Variants in PDXDC1 observed in about 807,000 individuals in gnomAD.
The protein encoded by PDXDC1 is pyridoxal-dependent decarboxylase domain-containing protein 1.
A neutral mutation model predicts 100.1 loss-of-function variants in PDXDC1; 42 were observed. The ratio of observed to expected loss-of-function variants is 0.42; its 90% CI spans 0.33 to 0.54. The LOEUF is 0.54. PDXDC1 is among the 20% of genes least tolerant of loss of function. The probability of loss-of-function intolerance (pLI) is 0.10; values close to 1 mark genes in which losing one functional copy is unlikely to be tolerated. For missense variants in PDXDC1, 636 were observed against 979.2 expected (o/e 0.65, Z 4.68); for synonymous variants, 260 against 371.7 (o/e 0.70, Z 3.46).
intron 16 of PDXDC1, chr16:15,062,047 C>G: frequency 1.3e-6 from 1 of 786,494 alleles, no homozygotes; most frequent in Admixed American, 2.7e-5. Flanking sequence ...AGTGTAGTGG[C>G]ACACGCCTGT....
At chr16:15,084,991 G>C (rs1173662687) in intron 16 of PDXDC1, among the ~76,000 whole-genome samples, 1 of 149,992 alleles carries the variant, frequency 6.7e-6, no homozygotes, top group Non-Finnish European at 1.5e-5. Flanking sequence ...ACTTGAACCT[G>C]GGAGGTGAAG....
chr16:14,993,740 C>T (rs1195392724), intron 1 of PDXDC1, among the ~76,000 whole-genome samples: 1 of 152,304 alleles, frequency 6.6e-6, no homozygotes, highest in African/African-American at 2.4e-5. Flanking sequence ...AATGGTTGAA[C>T]TAGTTTAGAG....
chr16:15,122,089 C>T (rs1487691693), intron 16 of PDXDC1, among the ~76,000 whole-genome samples: 4 of 151,198 alleles, frequency 2.6e-5, no homozygotes, highest in East Asian at 2.0e-4. Flanking sequence ...GCTTGAACCC[C>T]GGAAGCGGAG....
At chr16:15,140,184 C>G (rs138653090), downstream of PDXDC1, among the ~76,000 whole-genome samples, 1 of 150,148 alleles carries the variant, frequency 6.7e-6, no homozygotes, top group South Asian at 2.1e-4. Flanking sequence ...ATGGCTCCTG[C>G]CTGTAATCCC....
In PDXDC1 at chr16:15,034,111, C is replaced by T. The variant is rs1045491864; in HGVS notation, c.1813-175C>T. 22 of 613,576 alleles carry T rather than the reference C, an allele frequency of 3.6e-5. No homozygotes were observed. The South Asian group carries it at 4.3e-4, about 12-fold the overall frequency. The allele number at this position is 613,576 out of a possible 1,614,324, so 38.0% of individuals were successfully genotyped here. ...GTCACCAAGGTGTGTCTGCCTAGGC[C>T]TCTATGAGCATGTTATCTGCTTGTC... On this transcript the variant is annotated intron_variant, in intron 19 of 22. Coordinates refer to ENST00000396410, the MANE Select transcript of PDXDC1 (RefSeq NM_015027.4).
Position 15,089,194 on chromosome 16 carries a change from G to C in PDXDC1, c.1400-49685G>C, listed in dbSNP as rs996255744. ...GTGGCACAGCTACTCGGGAGGCTGA[G>C]GTGGGAGGATGGCTTGAACCCAGGA... On this transcript the variant is annotated intron_variant, in intron 16 of 16. Coordinates refer to the PDXDC1 transcript ENST00000535621. Among the ~76,000 whole-genome samples the C allele has an allele frequency of 3.3e-5, 5 of 152,048 alleles. No individual in the cohort carries two copies. In the South Asian group the frequency reaches 6.2e-4, roughly 19 times the overall value.
chr16:15,079,991 T>C (rs2045630282), intron 16 of PDXDC1: 2 of 1,585,666 alleles, frequency 1.3e-6, no homozygotes, highest in East Asian at 2.2e-5. Flanking sequence ...GATTACTCAA[T>C]ACTTACATCC....
At chr16:15,104,761 G>A (rs759695279) in intron 16 of PDXDC1, 5 of 1,596,344 alleles carry the variant, frequency 3.1e-6, no homozygotes, top group East Asian at 2.2e-5. Flanking sequence ...ATTCTGACCT[G>A]TAGGGCCAAA....
At chr16:14,995,070 A>G (rs1413320108) in intron 1 of PDXDC1, among the ~76,000 whole-genome samples, 1 of 152,300 alleles carries the variant, frequency 6.6e-6, no homozygotes, top group African/African-American at 2.4e-5. Flanking sequence ...TAGATATACA[A>G]TCATGTCATC....
At chr16:15,082,370 T>C (rs2045743716) in intron 16 of PDXDC1, among the ~76,000 whole-genome samples, 1 of 152,116 alleles carries the variant, frequency 6.6e-6, no homozygotes, top group Non-Finnish European at 1.5e-5. Flanking sequence ...TTAATTCATT[T>C]TCAGGTACTA....
At chr16:15,013,472 G>A (rs1377910683) in intron 8 of PDXDC1, among the ~76,000 whole-genome samples, 2 of 152,240 alleles carry the variant, frequency 1.3e-5, no homozygotes, top group Non-Finnish European at 2.9e-5. Flanking sequence ...GGATTTGGGG[G>A]TTGATGGAAG....
intron 16 of PDXDC1, among the ~76,000 whole-genome samples, chr16:15,098,761 C>T (rs1439752948): frequency 6.6e-6 from 1 of 152,028 alleles, no homozygotes; most frequent in African/African-American, 2.4e-5. Context: ...GCCTGTAATC[C>T]CAGCTACTTG....
chr16:15,131,327 C>T (rs919588589), intron 16 of PDXDC1: 5 of 1,566,810 alleles, frequency 3.2e-6, no homozygotes, highest in Non-Finnish European at 4.3e-6. Context: ...ATCGAGGCCA[C>T]CTTGGTGGAG....
chr16:15,068,039 G>C, intron 16 of PDXDC1: 3 of 791,566 alleles, frequency 3.8e-6, no homozygotes, highest in Non-Finnish European at 6.0e-6. Context: ...GAGATTACAG[G>C]TGTCAGCCAC....
intron 16 of PDXDC1, chr16:15,084,837 G>T (rs1309031495): frequency 4.4e-6 from 3 of 680,342 alleles, no homozygotes; most frequent in Non-Finnish European, 5.4e-6. Context: ...AGGCCGAGGT[G>T]GGTGGATCAC....
downstream of PDXDC1, chr16:15,041,141 A>C (rs561576517): frequency 6.9e-6 from 10 of 1,440,250 alleles, no homozygotes; most frequent in Non-Finnish European, 9.8e-6. Context: ...AAGAATGTTT[A>C]AGATACACTT....
intron 16 of PDXDC1, chr16:15,133,355 A>C (rs1174190481): frequency 9.3e-7 from 1 of 1,074,866 alleles, no homozygotes; most frequent in African/African-American, 1.6e-5. Context: ...ACTAGCGGTG[A>C]GCCCGTGCAG....
chr16:14,989,873 G>A, intron 1 of PDXDC1: 4 of 1,546,950 alleles, frequency 2.6e-6, no homozygotes, highest in Non-Finnish European at 2.6e-6. Flanking sequence ...GGGCCAGGAA[G>A]CCGTTGGCCA....
chr16:15,026,291 A>G (rs1472236997), intron 13 of PDXDC1: 2 of 322,164 alleles, frequency 6.2e-6, no homozygotes, highest in Non-Finnish European at 1.1e-5. Flanking sequence ...GATTCTTGAA[A>G]GCATGGGCTC....
Sources: allele counts gnomAD v4.1 joint callset (sites outside exome capture counted in the v4.1 genomes callset), GRCh38; gene constraint gnomAD v4.1.1; transcripts MANE v1.5; gene names NCBI Gene and HGNC (gene_info 2026-07-23, HGNC 2026-07-21).